The following FGF13 variants were observed in gnomAD, a reference collection of about 807,000 sequenced individuals.
FGF13 encodes the protein fibroblast growth factor homologous factor 2.
FGF13 carries 2 observed loss-of-function variants against 19.5 expected under a neutral mutation model. The ratio of observed to expected loss-of-function variants is 0.10; its 90% CI spans 0.04 to 0.32. The LOEUF is 0.32. Ranked by LOEUF, FGF13 falls within the 10% of genes least tolerant of loss-of-function variation. The pLI, the probability that FGF13 is intolerant of heterozygous loss-of-function variation, is 1.00. For synonymous variants in FGF13, 72 were observed against 76.9 expected (o/e 0.94, Z 0.33); for missense variants, 113 against 192.7 (o/e 0.59, Z 2.45).
chrX:138,836,437 G>C (rs1358507358), intron 3 of FGF13, among the ~76,000 whole-genome samples: 1 of 111,633 alleles, frequency 9.0e-6, no homozygotes, highest in Non-Finnish European at 1.9e-5. Flanking sequence ...CAGAAAGCCA[G>C]TCTTCAAGCT....
chrX:138,807,252 C>G (rs1482332376), intron 3 of FGF13, among the ~76,000 whole-genome samples: 1 of 111,652 alleles, frequency 9.0e-6, no homozygotes, highest in Non-Finnish European at 1.9e-5. Flanking sequence ...TTTACAACAG[C>G]AAATTTCAGT....
chrX:138,763,921 C>A (rs1337086467), intron 3 of FGF13, among the ~76,000 whole-genome samples: 1 of 111,422 alleles, frequency 9.0e-6, no homozygotes, highest in African/African-American at 3.3e-5. Context: ...CAGCTGGCTG[C>A]TCCTTAGAAA....
At chrX:139,137,815 A>G (rs2083812229) in intron 1 of FGF13, among the ~76,000 whole-genome samples, 1 of 112,118 alleles carries the variant, frequency 8.9e-6, no homozygotes, top group Non-Finnish European at 1.9e-5. Context: ...AGCATTTTAG[A>G]TCACCGTGAA....
chrX:138,869,147 G>C (rs2091344723), intron 1 of FGF13, among the ~76,000 whole-genome samples: 1 of 111,066 alleles, frequency 9.0e-6, no homozygotes. Context: ...TTTCCTTCCT[G>C]CCAACGTTCT....
At chrX:138,725,034 G>A (rs2090174948) in intron 1 of FGF13, among the ~76,000 whole-genome samples, 1 of 111,747 alleles carries the variant, frequency 8.9e-6, no homozygotes, top group South Asian at 3.7e-4. Context: ...AAAAATATTT[G>A]GAGTTTCATT....
intron 1 of FGF13, among the ~76,000 whole-genome samples, chrX:138,868,422 A>T (rs1259250005): frequency 9.0e-6 from 1 of 110,799 alleles, no homozygotes; most frequent in African/African-American, 3.3e-5. Context: ...GAGGCTGGAC[A>T]TATGTCTTTG....
At chrX:138,877,620 A>G (rs746637487) in intron 1 of FGF13, among the ~76,000 whole-genome samples, 1 of 112,143 alleles carries the variant, frequency 8.9e-6, no homozygotes, top group African/African-American at 3.2e-5. Context: ...AGCCCCTAGT[A>G]GCATAAAATC....
intron 1 of FGF13, among the ~76,000 whole-genome samples, chrX:138,865,586 T>C (rs760641225): frequency 9.2e-6 from 1 of 108,599 alleles, no homozygotes; most frequent in South Asian, 4.2e-4. Context: ...CAGGCTAGAG[T>C]ATGTACTCTT....
chrX:139,180,678 G>A, intron 1 of FGF13, among the ~76,000 whole-genome samples: 1 of 111,050 alleles, frequency 9.0e-6, no homozygotes, highest in African/African-American at 3.3e-5. Context: ...ATGATGATGT[G>A]CGCAATAGGG....
At chrX:138,737,809 T>C (rs913861705) in intron 1 of FGF13, among the ~76,000 whole-genome samples, 1 of 112,350 alleles carries the variant, frequency 8.9e-6, no homozygotes, top group Admixed American at 9.4e-5. Context: ...AAGAGGCATA[T>C]AGTCTGTAGC....
At chrX:138,834,021 G>A (rs1393276261) in intron 3 of FGF13, among the ~76,000 whole-genome samples, 1 of 111,793 alleles carries the variant, frequency 8.9e-6, no homozygotes, top group Non-Finnish European at 1.9e-5. Context: ...CTTGATCATG[G>A]TGGATTAACT....
At chrX:139,148,976 A>G (rs773224843) in intron 1 of FGF13, among the ~76,000 whole-genome samples, 1 of 111,334 alleles carries the variant, frequency 9.0e-6, no homozygotes, top group Non-Finnish European at 1.9e-5. Flanking sequence ...TTTGCCCCCA[A>G]TACCAAATCT....
chrX:138,847,388 A>G (rs2091190169), intron 3 of FGF13, among the ~76,000 whole-genome samples: 1 of 111,469 alleles, frequency 9.0e-6, no homozygotes, highest in African/African-American at 3.3e-5. Flanking sequence ...CCTTTTGTAG[A>G]TATAGTCTTG....
At chrX:138,781,937 G>C (rs748255653) in intron 3 of FGF13, among the ~76,000 whole-genome samples, 3 of 111,971 alleles carry the variant, frequency 2.7e-5, no homozygotes, top group East Asian at 5.6e-4. Context: ...GAATCCAGCA[G>C]CACATCAAAA....
intron 1 of FGF13, among the ~76,000 whole-genome samples, chrX:138,992,673 A>T (rs2092021970): frequency 8.9e-6 from 1 of 111,819 alleles, no homozygotes; most frequent in Non-Finnish European, 1.9e-5. Flanking sequence ...TTTACAGTAG[A>T]ATTCAAATTA....
chrX:138,896,047 C>T (rs2091502401), intron 1 of FGF13, among the ~76,000 whole-genome samples: 1 of 111,778 alleles, frequency 8.9e-6, no homozygotes, highest in South Asian at 3.7e-4. Context: ...TTAAAGGGTA[C>T]AGCATTTCAA....
chrX:139,167,529 A>G (rs2084096698), intron 1 of FGF13, among the ~76,000 whole-genome samples: 1 of 111,848 alleles, frequency 8.9e-6, no homozygotes, highest in African/African-American at 3.3e-5. Flanking sequence ...TGATGTGGTA[A>G]TAACATTGTG....
At chrX:139,185,035 A>T (rs1489764675) in intron 1 of FGF13, among the ~76,000 whole-genome samples, 2 of 111,834 alleles carry the variant, frequency 1.8e-5, no homozygotes, top group Non-Finnish European at 3.8e-5. Context: ...CCTGGAAAGT[A>T]CTTGTATTAA....
At chrX:138,966,727 G>T (rs1474827306) in intron 1 of FGF13, among the ~76,000 whole-genome samples, 2 of 111,655 alleles carry the variant, frequency 1.8e-5, no homozygotes, top group Non-Finnish European at 3.8e-5. Flanking sequence ...GTTTTGAAAT[G>T]TGAGGACATG....
Sources: gnomAD v4.1 joint callset for allele counts (sites outside exome capture counted in the v4.1 genomes callset) on GRCh38, gnomAD v4.1.1 for gene constraint, MANE v1.5 for transcripts, NCBI Gene and HGNC (gene_info 2026-07-23, HGNC 2026-07-21) for gene names.